The following CLNK variants were observed in gnomAD, a reference collection of about 807,000 sequenced individuals.
The protein encoded by CLNK is cytokine-dependent hematopoietic cell linker.
In CLNK, 74 loss-of-function variants were observed where a neutral mutation model predicts 68.6. The ratio of observed to expected loss-of-function variants is 1.08; its 90% confidence interval spans 0.89 to 1.31. The LOEUF (loss-of-function observed/expected upper bound fraction) is 1.31. Ranked by LOEUF, CLNK falls within the 50% of genes most tolerant of loss-of-function variation. The pLI is 0.00. For missense variants in CLNK, 553 were observed against 515.3 expected, an observed-to-expected ratio of 1.07 and a Z score of -0.71; for synonymous variants, 198 against 172.2, an observed-to-expected ratio of 1.15 and a Z score of -1.17.
In CLNK at chr4:10,558,414, G is replaced by A. The variant is rs773794860; in HGVS notation, c.438C>T (p.Asn146=). Residue 146 remains asparagine, a synonymous_variant, in exon 8 of 19, where the codon AAC becomes AAT. Transcript: ENST00000226951. The part of the protein sequence containing the change: ...KPISKDVRSQ[N]IKGDASVRKN... ...CGATTAACATGACTTTACCTTTAAT[G>A]TTTTGGCTTCTGACGTCCTTGGAAA... 6 of 1,613,594 alleles carry A rather than the reference G, an allele frequency of 3.7e-6. No homozygotes were observed. The highest frequency in any genetic ancestry group is 5.1e-6 in the Non-Finnish European group (6 of 1,179,682).
chr4:10,627,006 G>A (rs968519521), intron 2 of CLNK, among the ~76,000 whole-genome samples: 2 of 152,186 alleles, frequency 1.3e-5, no homozygotes, highest in African/African-American at 4.8e-5. Flanking sequence ...GCCAGCCTCT[G>A]TAAACTTCAC....
chr4:10,636,467 T>G (rs1461553809), intron 2 of CLNK, among the ~76,000 whole-genome samples: 1 of 152,184 alleles, frequency 6.6e-6, no homozygotes, highest in African/African-American at 2.4e-5. Flanking sequence ...CAACCTTGAT[T>G]TCAGACTTTG....
rs532822712 is a variant in CLNK, at chr4:10,595,552, G to C, written c.83+2426C>G. On this transcript the variant is annotated intron_variant, in intron 3 of 18. Transcript: ENST00000226951. ...TCATCCAAGTGGGGCCCAGCACTCAGCTTGGTGTTTTACTTTGTTTATTAC... is the reference window on the plus strand; with the variant it reads ...TCATCCAAGTGGGGCCCAGCACTCACCTTGGTGTTTTACTTTGTTTATTAC... 3.9e-5 allele frequency among the ~76,000 whole-genome samples: 6 copies of C among 152,262 alleles called. No homozygotes were observed. In the South Asian group the frequency reaches 1.2e-3, roughly 32 times the overall value.
the CLNK span, among the ~76,000 whole-genome samples, chr4:10,712,747 C>T: frequency 2.0e-5 from 3 of 152,154 alleles, no homozygotes; most frequent in Admixed American, 6.5e-5. Flanking sequence ...TATAACTACC[C>T]CAAATTGCTT....
At chr4:10,699,510 A>AT in the CLNK span, among the ~76,000 whole-genome samples, 25 of 19,482 alleles carry the variant, frequency 1.3e-3, 1 homozygote, top group South Asian at 0.013. Context: ...ATATATATAT[A>AT]TATTTTTTTT....
At chr4:10,663,672 A>G (rs1321243387) in intron 2 of CLNK, among the ~76,000 whole-genome samples, 4 of 152,198 alleles carry the variant, frequency 2.6e-5, no homozygotes, top group Non-Finnish European at 5.9e-5. Context: ...TATATCATCC[A>G]TTCATTTATA....
chr4:10,617,780 G>C (rs1211790979), intron 2 of CLNK, among the ~76,000 whole-genome samples: 3 of 152,194 alleles, frequency 2.0e-5, no homozygotes, highest in Non-Finnish European at 4.4e-5. Flanking sequence ...GGCTCATTTT[G>C]TGGTTCCAAC....
chr4:10,627,088 A>G (rs1402176203), intron 2 of CLNK, among the ~76,000 whole-genome samples: 3 of 152,166 alleles, frequency 2.0e-5, no homozygotes, highest in Non-Finnish European at 4.4e-5. Context: ...GTCTTTCCAA[A>G]AGACTTAAAC....
chr4:10,507,388 G>T (rs984583619), intron 17 of CLNK, among the ~76,000 whole-genome samples: 14 of 151,950 alleles, frequency 9.2e-5, no homozygotes, highest in Non-Finnish European at 1.9e-4. Context: ...TGGGATTACA[G>T]GCGTGAACTG....
intron 1 of CLNK, among the ~76,000 whole-genome samples, chr4:10,674,683 C>T (rs888985980): frequency 1.8e-4 from 28 of 152,264 alleles, no homozygotes; most frequent in African/African-American, 6.3e-4. Flanking sequence ...AGTGGAGAGA[C>T]CCCTGCCTCA....
the CLNK span, among the ~76,000 whole-genome samples, chr4:10,704,569 G>T: frequency 4.6e-5 from 7 of 152,134 alleles, no homozygotes; most frequent in African/African-American, 1.7e-4. Flanking sequence ...ATATGCTGCA[G>T]TAGGCCCCTG....
chr4:10,676,567 T>C (rs1724884011), intron 1 of CLNK, among the ~76,000 whole-genome samples: 1 of 152,102 alleles, frequency 6.6e-6, no homozygotes, highest in African/African-American at 2.4e-5. Context: ...TTGAAAACAC[T>C]CTTAATGAAC....
chr4:10,621,744 T>A (rs544603498), intron 2 of CLNK, among the ~76,000 whole-genome samples: 72 of 152,258 alleles, frequency 4.7e-4, no homozygotes, highest in African/African-American at 1.6e-3. Flanking sequence ...CCAGGTGGGG[T>A]CTGGGGCCTG....
chr4:10,489,711 GATT>G lies in CLNK; in HGVS notation c.*753_*755del, dbSNP rs59098381. 2.8e-5 allele frequency: 1 copy of G among 35,924 alleles called. No homozygotes were observed. Among genetic ancestry groups the G allele is most frequent in the Non-Finnish European group, 7.6e-5 (1 of 13,230 alleles). The allele number at this position is 35,924 out of a possible 1,614,324, so 2.2% of individuals were successfully genotyped here. A position where few individuals can be genotyped will look rare whatever the true frequency, so the allele number is the denominator to read the frequency against. ...ACGGAGTCTCTCTGTCCCCAGGCTG[GATT>G]GGAGTGCAGTGGCGCGATTTCGGCT... is the stretch of plus-strand genomic sequence containing the variant. On this transcript the variant is annotated 3_prime_UTR_variant, in exon 19 of 19. Transcript: ENST00000226951.
At chr4:10,602,633 G>T (rs766060223) in intron 2 of CLNK, among the ~76,000 whole-genome samples, 1 of 152,172 alleles carries the variant, frequency 6.6e-6, no homozygotes, top group Non-Finnish European at 1.5e-5. Flanking sequence ...ACTCCAGAAC[G>T]GTGAGAGTAA....
chr4:10,584,608 A>G (rs1470118738), intron 4 of CLNK, among the ~76,000 whole-genome samples: 5 of 152,200 alleles, frequency 3.3e-5, no homozygotes, highest in Admixed American at 6.5e-5. Flanking sequence ...GTGAGTCACC[A>G]TAAGACTGGC....
intron 8 of CLNK, among the ~76,000 whole-genome samples, chr4:10,548,276 A>G (rs917426745): frequency 6.6e-6 from 1 of 152,254 alleles, no homozygotes; most frequent in Non-Finnish European, 1.5e-5. Flanking sequence ...CACTTCCTAT[A>G]TATGTGTTGG....
intron 17 of CLNK, among the ~76,000 whole-genome samples, chr4:10,507,722 G>A (rs1404765038): frequency 1.3e-5 from 2 of 151,870 alleles, no homozygotes; most frequent in Middle Eastern, 3.2e-3. Flanking sequence ...CCTCAAATGA[G>A]CCACCTACCT....
At chr4:10,534,714 T>C (rs942767620) in intron 11 of CLNK, among the ~76,000 whole-genome samples, 1 of 152,228 alleles carries the variant, frequency 6.6e-6, no homozygotes, top group African/African-American at 2.4e-5. Context: ...TTAAACTTTT[T>C]ATCCTGAGAT....
Sources: gnomAD v4.1 joint callset for allele counts (sites outside exome capture counted in the v4.1 genomes callset) on GRCh38, gnomAD v4.1.1 for gene constraint, MANE v1.5 for transcripts, NCBI Gene and HGNC (gene_info 2026-07-23, HGNC 2026-07-21) for gene names.